ZNF385D: variants seen among roughly 807,000 people sequenced by gnomAD.
ZNF385D encodes the protein zinc finger protein 385D, also known as zinc finger protein 659.
In ZNF385D, 15 loss-of-function variants were observed where a neutral mutation model predicts 35.8. That is an observed-to-expected ratio of 0.42 (90% CI 0.28 to 0.64). The LOEUF (loss-of-function observed/expected upper bound fraction) is 0.64, where lower values mean the gene tolerates loss of function less well. Ranked by LOEUF, ZNF385D falls within the 30% of genes least tolerant of loss-of-function variation. The pLI is 0.23. For synonymous variants in ZNF385D, 212 were observed against 186.8 expected (o/e 1.13, Z -1.10); for missense variants, 474 against 494.6 (o/e 0.96, Z 0.39).
chr3:21,563,567 T>C (rs2063031965), intron 3 of ZNF385D, among the ~76,000 whole-genome samples: 1 of 152,194 alleles, frequency 6.6e-6, no homozygotes, highest in Non-Finnish European at 1.5e-5. Flanking sequence ...TACTCAATTA[T>C]CTTGCATCCT....
At chr3:22,203,195 A>G (rs1696919894) in intron 2 of ZNF385D, among the ~76,000 whole-genome samples, 1 of 152,032 alleles carries the variant, frequency 6.6e-6, no homozygotes, top group Admixed American at 6.6e-5. Context: ...CTTGGACACC[A>G]GCTTAGCCAC....
chr3:22,342,431 T>C (rs7619652), intron 2 of ZNF385D, among the ~76,000 whole-genome samples: 63,746 of 151,932 alleles, frequency 0.42, 15,958 homozygotes, highest in African/African-American at 0.7. Flanking sequence ...TACTTGTAAA[T>C]TCTATGAATC....
At chr3:22,307,768 T>C (rs1383811220) in intron 2 of ZNF385D, among the ~76,000 whole-genome samples, 1 of 151,892 alleles carries the variant, frequency 6.6e-6, no homozygotes, top group African/African-American at 2.4e-5. Context: ...AAAAACTTTC[T>C]TTCTTAGGGT....
intron 3 of ZNF385D, among the ~76,000 whole-genome samples, chr3:21,910,712 T>A (rs1303943832): frequency 1.3e-5 from 2 of 151,360 alleles, no homozygotes; most frequent in Non-Finnish European, 3.0e-5. Context: ...GTAACATGCA[T>A]GGGCCAGGGG....
At chr3:21,774,192 C>T (rs1166685493) in intron 3 of ZNF385D, among the ~76,000 whole-genome samples, 1 of 151,834 alleles carries the variant, frequency 6.6e-6, no homozygotes, top group African/African-American at 2.4e-5. Flanking sequence ...AGTGCATGTC[C>T]TCACTTATAA....
At chr3:22,078,960 G>A (rs376552345) in intron 3 of ZNF385D, among the ~76,000 whole-genome samples, 1 of 151,922 alleles carries the variant, frequency 6.6e-6, no homozygotes, top group African/African-American at 2.4e-5. Context: ...TTTATTTCAA[G>A]TGTGTTAAGA....
intron 1 of ZNF385D, among the ~76,000 whole-genome samples, chr3:21,719,733 A>ACT (rs139884753): frequency 0.015 from 2,288 of 152,124 alleles, 43 homozygotes; most frequent in African/African-American, 0.051. Flanking sequence ...CCCGACTGGA[A>ACT]CTCTCTCTCT....
chr3:22,191,975 T>C (rs1396480949), intron 2 of ZNF385D, among the ~76,000 whole-genome samples: 2 of 152,164 alleles, frequency 1.3e-5, no homozygotes, highest in Admixed American at 6.6e-5. Flanking sequence ...CTCTGTCTTG[T>C]TTAGGAATTG....
At chr3:21,995,391 G>A (rs369085867) in intron 3 of ZNF385D, among the ~76,000 whole-genome samples, 8 of 152,272 alleles carry the variant, frequency 5.3e-5, no homozygotes, top group African/African-American at 1.9e-4. Flanking sequence ...GTGAACATGG[G>A]CACAGGCTAC....
chr3:21,705,994 T>C (rs2067884893), intron 1 of ZNF385D, among the ~76,000 whole-genome samples: 1 of 151,956 alleles, frequency 6.6e-6, no homozygotes, highest in South Asian at 2.1e-4. Flanking sequence ...ATGGCAAAGG[T>C]GGGGGTGAGG....
intron 3 of ZNF385D, among the ~76,000 whole-genome samples, chr3:21,955,257 C>T (rs970861397): frequency 6.6e-6 from 1 of 152,050 alleles, no homozygotes; most frequent in Non-Finnish European, 1.5e-5. Flanking sequence ...CTTAAAATGG[C>T]TGGAGGAAGC....
rs576142610 is a variant in ZNF385D at position 22,131,386 on chromosome 3, G to A, written c.325+37431C>T. On this transcript the variant is annotated intron_variant, in intron 3 of 5. Coordinates refer to the ZNF385D transcript ENST00000494108. ...AGTAGATTAAAAAAAAAGTTTAGAA[G>A]AAAGAAAGAAAGCTCTTTCAAAGTG... Among the ~76,000 whole-genome samples, 5 of 152,152 alleles carry A rather than the reference G, an allele frequency of 3.3e-5. No homozygotes were observed. The East Asian group carries it at 7.7e-4, about 23-fold the overall frequency.
At chr3:21,849,983 G>C (rs3849556) in intron 3 of ZNF385D, among the ~76,000 whole-genome samples, 37,812 of 151,718 alleles carry the variant, frequency 0.25, 5,000 homozygotes, top group Admixed American at 0.3. Flanking sequence ...GACTCCAGAG[G>C]TCCTCCCACC....
chr3:21,489,096 T>C (rs567112580), intron 4 of ZNF385D, among the ~76,000 whole-genome samples: 1 of 152,124 alleles, frequency 6.6e-6, no homozygotes, highest in South Asian at 2.1e-4. Flanking sequence ...GTTAAAATGC[T>C]GCTAAATAAT....
chr3:22,156,327 T>G lies in ZNF385D; in HGVS notation c.325+12490A>C, dbSNP rs969902715. 2.0e-5 allele frequency among the ~76,000 whole-genome samples: 3 copies of G among 152,100 alleles called. No homozygotes were observed. The South Asian group carries it at 6.2e-4, about 32-fold the overall frequency. On this transcript the variant is annotated intron_variant, in intron 3 of 5. Transcript: ENST00000494108. ...TCTTTTACAATGAAGTCCTAAAACT[T>G]GATGGTCAGAATGCCAAGCAAAAGA...
chr3:21,882,344 C>T lies in ZNF385D; in HGVS notation c.326-217316G>A, dbSNP rs112819989. Among the ~76,000 whole-genome samples, 1,346 of 152,056 alleles carry T rather than the reference C, an allele frequency of 8.9e-3. 17 individuals are homozygous for T. Among genetic ancestry groups the T allele is most frequent in the African/African-American group, 0.031 (1,273 of 41,516 alleles). ...ACATCAAGGCAAGACCTTCCACCAACGAAAAGATTATGACTACGTGGTGCT... is the reference window on the plus strand; with the variant it reads ...ACATCAAGGCAAGACCTTCCACCAATGAAAAGATTATGACTACGTGGTGCT... On this transcript the variant is annotated intron_variant, in intron 3 of 5. Coordinates refer to the ZNF385D transcript ENST00000494108.
intron 1 of ZNF385D, among the ~76,000 whole-genome samples, chr3:21,747,197 G>C (rs1472892834): frequency 6.6e-6 from 1 of 152,186 alleles, no homozygotes; most frequent in Non-Finnish European, 1.5e-5. Context: ...AGGCGAACTT[G>C]AATGATTCAT....
Position 21,615,787 on chromosome 3 carries a change from A to C in ZNF385D, c.165+49099T>G, listed in dbSNP as rs1033120268. On this transcript the variant is annotated intron_variant, in intron 2 of 7. Coordinates refer to ENST00000281523, the MANE Select transcript of ZNF385D (RefSeq NM_024697.3). The stretch of plus-strand genomic sequence containing the variant: ...GAGAGAATGACTGCAAAGAAAATGG[A>C]GAAAGAGTGTGTGTGTGTGTGTGTG... 6.2e-5 allele frequency among the ~76,000 whole-genome samples: 4 copies of C among 64,354 alleles called. No individual in the cohort carries two copies. In the East Asian group the frequency reaches 2.9e-3, roughly 47 times the overall value. The allele number at this position is 64,354 out of a possible 152,430, so 42.2% of individuals were successfully genotyped here.
At chr3:21,519,772 C>G (rs550655564) in intron 3 of ZNF385D, among the ~76,000 whole-genome samples, 1 of 152,170 alleles carries the variant, frequency 6.6e-6, no homozygotes, top group Non-Finnish European at 1.5e-5. Context: ...GAAACCACTT[C>G]GTCTAGCTGC....
Sources: gnomAD v4.1 joint callset for allele counts (sites outside exome capture counted in the v4.1 genomes callset) on GRCh38, gnomAD v4.1.1 for gene constraint, MANE v1.5 for transcripts, NCBI Gene and HGNC (gene_info 2026-07-23, HGNC 2026-07-21) for gene names.